Variants in KCNJ3 observed in about 807,000 individuals in gnomAD.
KCNJ3 encodes potassium inwardly rectifying channel subfamily J member 3.
KCNJ3 carries 4 observed loss-of-function variants against 39.2 expected under a neutral mutation model. The ratio of observed to expected loss-of-function variants is 0.10; its 90% confidence interval spans 0.05 to 0.23. The LOEUF is 0.23. Among genes scored for constraint, KCNJ3 ranks in the 10% least tolerant of loss-of-function variants. KCNJ3 has a pLI of 1.00. For missense variants in KCNJ3, 276 were observed against 634.9 expected (o/e 0.43, Z 6.08); for synonymous variants, 230 against 237.4 (o/e 0.97, Z 0.29).
intron 2 of KCNJ3, among the ~76,000 whole-genome samples, chr2:154,722,590 G>C (rs893115067): frequency 6.6e-6 from 1 of 152,148 alleles, no homozygotes; most frequent in African/African-American, 2.4e-5. Context: ...GTAAAGGCTG[G>C]AAAACGTAGC....
At position 154,817,671 on chromosome 2, in the gene KCNJ3, A is replaced by G. The variant is rs1234050877; in HGVS notation, c.920-37056A>G. ...CATTTTTGATTATTTTGTCTAGTCA[A>G]CTGAAATGATTTGGTCCATAAGACT... On this transcript the variant is annotated intron_variant, in intron 2 of 2. Coordinates refer to ENST00000295101, the MANE Select transcript of KCNJ3 (RefSeq NM_002239.4). Among the ~76,000 whole-genome samples, 6 of 152,102 alleles carry G rather than the reference A, an allele frequency of 3.9e-5. No individual in the cohort carries two copies. In the South Asian group the frequency reaches 8.3e-4, roughly 21 times the overall value.
intron 2 of KCNJ3, among the ~76,000 whole-genome samples, chr2:154,724,501 G>A (rs1198161183): frequency 6.6e-6 from 1 of 151,976 alleles, no homozygotes; most frequent in Non-Finnish European, 1.5e-5. Context: ...CTTTTGATGT[G>A]TCGCCAAGGT....
intron 2 of KCNJ3, among the ~76,000 whole-genome samples, chr2:154,836,219 CAAAAAAAAACAAA>C (rs1213824952): frequency 2.4e-4 from 28 of 118,684 alleles, no homozygotes; most frequent in African/African-American, 5.7e-4. Context: ...AAAAAAAAAA[CAAAAAAAAACAAA>C]AAAAAAAACA....
At chr2:154,825,875 GTTT>G (rs1343997724) in intron 2 of KCNJ3, among the ~76,000 whole-genome samples, 2 of 134,480 alleles carry the variant, frequency 1.5e-5, no homozygotes, top group African/African-American at 2.7e-5. Context: ...CACTGCACCT[GTTT>G]TTTTTTTTTT....
At chr2:154,802,751 C>A (rs1266449392) in intron 2 of KCNJ3, among the ~76,000 whole-genome samples, 1 of 152,006 alleles carries the variant, frequency 6.6e-6, no homozygotes, top group Admixed American at 6.6e-5. Context: ...TGTTGATTAA[C>A]AGTTTTATAG....
chr2:154,776,008 T>C (rs1237192515), intron 2 of KCNJ3, among the ~76,000 whole-genome samples: 1 of 151,516 alleles, frequency 6.6e-6, no homozygotes, highest in African/African-American at 2.4e-5. Context: ...AGTGATTCTT[T>C]TTTTTTTTTT....
chr2:154,715,608 T>C (rs1438955720), intron 2 of KCNJ3, among the ~76,000 whole-genome samples: 3 of 152,238 alleles, frequency 2.0e-5, no homozygotes, highest in East Asian at 1.9e-4. Context: ...ATATGCAAAA[T>C]ATAAAACTTT....
At position 154,708,190 on chromosome 2, in the gene KCNJ3, A is replaced by G. The variant is rs145712669; in HGVS notation, c.703-1413A>G. On this transcript the variant is annotated intron_variant, in intron 1 of 2. Transcript: ENST00000295101. ...TTTCATTAGGATTTTGTCTACACAA[A>G]TAATATCCGTGAATATTTCTAACTG... Among the ~76,000 whole-genome samples the G allele has an allele frequency of 2.3e-3, 357 of 152,306 alleles. 1 individual carries two copies. The highest frequency in any genetic ancestry group is 7.9e-3 in the African/African-American group (329 of 41,574).
intron 2 of KCNJ3, among the ~76,000 whole-genome samples, chr2:154,739,152 G>C (rs1685599452): frequency 6.6e-6 from 1 of 151,954 alleles, no homozygotes; most frequent in African/African-American, 2.4e-5. Flanking sequence ...TTAGTATAAG[G>C]GAGTTTATAA....
intron 2 of KCNJ3, among the ~76,000 whole-genome samples, chr2:154,815,240 T>G (rs1302078944): frequency 6.6e-6 from 1 of 152,206 alleles, no homozygotes; most frequent in Admixed American, 6.6e-5. Flanking sequence ...CTTCAATATG[T>G]GTTTCAACTT....
intron 1 of KCNJ3, among the ~76,000 whole-genome samples, chr2:154,700,637 T>C (rs914118679): frequency 2.0e-5 from 3 of 152,236 alleles, no homozygotes; most frequent in African/African-American, 4.8e-5. Context: ...GATTTTGCCT[T>C]TGAAATTTCA....
At chr2:154,708,692 T>C (rs965725559) in intron 1 of KCNJ3, among the ~76,000 whole-genome samples, 6 of 152,308 alleles carry the variant, frequency 3.9e-5, no homozygotes, top group Non-Finnish European at 5.9e-5. Flanking sequence ...TAAAAGGAAA[T>C]AAGTAATTTT....
intron 2 of KCNJ3, among the ~76,000 whole-genome samples, chr2:154,793,761 A>G (rs936424663): frequency 5.9e-5 from 9 of 152,038 alleles, no homozygotes; most frequent in African/African-American, 2.2e-4. Flanking sequence ...AACCGTTAAT[A>G]TGTTTCTCTG....
At chr2:154,825,356 G>A (rs1284388065) in intron 2 of KCNJ3, among the ~76,000 whole-genome samples, 1 of 152,072 alleles carries the variant, frequency 6.6e-6, no homozygotes, top group African/African-American at 2.4e-5. Context: ...TTAGGTCCAC[G>A]AGTGGGAATC....
intron 2 of KCNJ3, among the ~76,000 whole-genome samples, chr2:154,744,819 T>C (rs138202518): frequency 9.9e-5 from 15 of 152,050 alleles, no homozygotes; most frequent in African/African-American, 3.6e-4. Flanking sequence ...GATTTTGCTC[T>C]TGTCTTTATT....
intron 2 of KCNJ3, among the ~76,000 whole-genome samples, chr2:154,759,641 C>T (rs1378252517): frequency 6.6e-6 from 1 of 151,806 alleles, no homozygotes; most frequent in Non-Finnish European, 1.5e-5. Context: ...CTTTTTCTTT[C>T]CACTTCTTAC....
chr2:154,747,741 G>A (rs1685772658), intron 2 of KCNJ3, among the ~76,000 whole-genome samples: 1 of 152,060 alleles, frequency 6.6e-6, no homozygotes, highest in Admixed American at 6.6e-5. Context: ...TGTAGGTTTG[G>A]AAGTGGAAAA....
Position 154,843,380 on chromosome 2 carries a change from C to G in KCNJ3, c.920-11347C>G, listed in dbSNP as rs189881466. On this transcript the variant is annotated intron_variant, in intron 2 of 2. Coordinates refer to ENST00000295101, the MANE Select transcript of KCNJ3 (RefSeq NM_002239.4). ...TGGCTGCCCTTAACACTTTTTCCTT[C>G]ATTTCAACTTTGGTGAATCTGACAA... Among the ~76,000 whole-genome samples, 428 of 152,242 alleles carry G rather than the reference C, an allele frequency of 2.8e-3. 4 individuals carry two copies. The highest frequency in any genetic ancestry group is 0.01 in the African/African-American group (421 of 41,556).
At chr2:154,702,415 C>T in intron 1 of KCNJ3, among the ~76,000 whole-genome samples, 1 of 151,800 alleles carries the variant, frequency 6.6e-6, no homozygotes, top group East Asian at 1.9e-4. Flanking sequence ...TTATAAAGCA[C>T]TTTTTGATTC....
Sources: gnomAD v4.1 joint callset for allele counts (sites outside exome capture counted in the v4.1 genomes callset) on GRCh38, gnomAD v4.1.1 for gene constraint, MANE v1.5 for transcripts, NCBI Gene and HGNC (gene_info 2026-07-23, HGNC 2026-07-21) for gene names.